DNAH8: variants seen among roughly 807,000 people sequenced by gnomAD.
The protein encoded by DNAH8 is axonemal beta dynein heavy chain 8.
Under a neutral mutation model 562.1 loss-of-function variants are expected in DNAH8, and 382 were observed. The ratio of observed to expected loss-of-function variants is 0.68; its 90% CI spans 0.63 to 0.74. The LOEUF (loss-of-function observed/expected upper bound fraction) is 0.74. Ranked by LOEUF, DNAH8 falls within the 30% of genes least tolerant of loss-of-function variation. The pLI is 0.00. For synonymous variants in DNAH8, 1,881 were observed against 1,919.4 expected (o/e 0.98, Z 0.52); for missense variants, 5,203 against 5,620.4 (o/e 0.93, Z 2.37).
At chr6:38,787,309 TATACA>T (rs1246992523) in intron 18 of DNAH8, among the ~76,000 whole-genome samples, 1 of 152,210 alleles carries the variant, frequency 6.6e-6, no homozygotes, top group African/African-American at 2.4e-5. Context: ...GTGGGGTGAC[TATACA>T]ATACAAGTAG....
At chr6:38,983,582 A>C (rs1440529992) in intron 86 of DNAH8, among the ~76,000 whole-genome samples, 2 of 152,252 alleles carry the variant, frequency 1.3e-5, no homozygotes, top group African/African-American at 4.8e-5. Context: ...AAGTAAACAA[A>C]AAGCAAATAT....
chr6:38,972,736 T>C (rs1355559004), intron 83 of DNAH8, among the ~76,000 whole-genome samples: 1 of 152,292 alleles, frequency 6.6e-6, no homozygotes, highest in Non-Finnish European at 1.5e-5. Context: ...GGTGCAGCCA[T>C]GTTGCCGCCT....
chr6:39,015,475 C>T (rs1766505156), intron 91 of DNAH8, among the ~76,000 whole-genome samples: 1 of 152,152 alleles, frequency 6.6e-6, no homozygotes, highest in Non-Finnish European at 1.5e-5. Flanking sequence ...TTTCCCCATG[C>T]TGCTTTCGTG....
chr6:38,924,176 T>C lies in DNAH8; in HGVS notation c.10962+14T>C. The C allele has an allele frequency of 6.2e-7, 1 of 1,609,908 alleles. No homozygotes were observed. Among genetic ancestry groups the C allele is most frequent in the East Asian group, 2.2e-5 (1 of 44,774 alleles). On this transcript the variant is annotated intron_variant, in intron 73 of 92. Transcript: ENST00000327475. ...GATCCTCCAACTGTAAGTTTTACTT[T>C]CCCAATGTTATTTGAATTTCAGTCT...
At chr6:38,756,366 G>A (rs1765905932) in intron 10 of DNAH8, among the ~76,000 whole-genome samples, 2 of 152,186 alleles carry the variant, frequency 1.3e-5, no homozygotes, top group South Asian at 2.1e-4. Context: ...CCAAGAGATA[G>A]GAGTGTGTCT....
chr6:38,731,301 T>C (rs1763642725), intron 4 of DNAH8, among the ~76,000 whole-genome samples: 1 of 152,228 alleles, frequency 6.6e-6, no homozygotes, highest in South Asian at 2.1e-4. Flanking sequence ...CCTTAATGAA[T>C]ATTTCTCTAT....
chr6:38,779,208 G>A (rs1738255), intron 14 of DNAH8, among the ~76,000 whole-genome samples: 15,129 of 152,202 alleles, frequency 0.099, 1,383 homozygotes, highest in East Asian at 0.44. Context: ...AGCGGATCTA[G>A]TGTTGGGTCT....
intron 33 of DNAH8, among the ~76,000 whole-genome samples, chr6:38,839,340 G>A (rs1445871856): frequency 9.3e-6 from 1 of 107,242 alleles, no homozygotes; most frequent in African/African-American, 4.7e-5. Context: ...GGTGAGAATG[G>A]TGAGAAGCTT....
At chr6:39,012,133 A>G in intron 89 of DNAH8, 82 bp from the exon 90 acceptor site, 1 of 1,053,562 alleles carries the variant, frequency 9.5e-7, no homozygotes, top group Admixed American at 2.3e-5. Flanking sequence ...GAGGAAGAAA[A>G]AGAATTGAGA....
At chr6:38,774,199 T>C (rs1210758474) in intron 12 of DNAH8, among the ~76,000 whole-genome samples, 3 of 152,178 alleles carry the variant, frequency 2.0e-5, no homozygotes, top group African/African-American at 7.2e-5. Context: ...TTTGTTTTCT[T>C]CTCACCCTGA....
intron 82 of DNAH8, 52 bp downstream of exon 82, chr6:38,951,572 C>T: frequency 1.3e-6 from 2 of 1,516,428 alleles, no homozygotes; most frequent in South Asian, 2.4e-5. Context: ...TTTTTTGCCC[C>T]AAATTTTGCC....
intron 10 of DNAH8, among the ~76,000 whole-genome samples, chr6:38,757,565 C>T (rs1389319713): frequency 6.6e-6 from 1 of 152,132 alleles, no homozygotes; most frequent in African/African-American, 2.4e-5. Flanking sequence ...GTTGCCATTG[C>T]TTTTGGTGTT....
chr6:38,903,932 A>G (rs1231834935), intron 62 of DNAH8, among the ~76,000 whole-genome samples: 2 of 152,010 alleles, frequency 1.3e-5, no homozygotes, highest in Non-Finnish European at 2.9e-5. Context: ...TTTTCTAAGG[A>G]TGCATTTATC....
intron 87 of DNAH8, among the ~76,000 whole-genome samples, chr6:38,984,722 C>T (rs1214842615): frequency 6.6e-6 from 1 of 152,072 alleles, no homozygotes; most frequent in Non-Finnish European, 1.5e-5. Context: ...ACCTGGGAGG[C>T]GGAGGTTGCA....
chr6:38,746,562 ATTTAG>A (rs200501858), intron 8 of DNAH8, among the ~76,000 whole-genome samples: 7,966 of 152,134 alleles, frequency 0.052, 655 homozygotes, highest in African/African-American at 0.18. Context: ...ATTTTTTTAT[ATTTAG>A]ATGAATTAAT....
chr6:38,867,960 C>A (rs1430720417), intron 47 of DNAH8, 102 bp from the exon 48 acceptor site: 6 of 1,182,070 alleles, frequency 5.1e-6, no homozygotes, highest in Non-Finnish European at 5.9e-6. Context: ...CCAAAACTAT[C>A]CCATATAAGT....
intron 82 of DNAH8, among the ~76,000 whole-genome samples, chr6:38,961,507 C>G (rs766703559): frequency 2.6e-5 from 4 of 151,830 alleles, no homozygotes; most frequent in Non-Finnish European, 5.9e-5. Flanking sequence ...TAATAACGTG[C>G]CTTCACCAAG....
At chr6:38,770,311 T>C in intron 11 of DNAH8, 102 bp from the exon 12 acceptor site, 1 of 641,854 alleles carries the variant, frequency 1.6e-6, no homozygotes, top group Non-Finnish European at 2.5e-6. Context: ...ATACAGATTT[T>C]CACAGTTTGA....
At chr6:38,980,920 G>T (rs1303820043) in intron 85 of DNAH8, among the ~76,000 whole-genome samples, 2 of 151,722 alleles carry the variant, frequency 1.3e-5, no homozygotes, top group Non-Finnish European at 2.9e-5. Context: ...TCATGAACTT[G>T]TCCCAACAAA....
Sources: allele counts gnomAD v4.1 joint callset (sites outside exome capture counted in the v4.1 genomes callset), GRCh38; gene constraint gnomAD v4.1.1; transcripts MANE v1.5; gene names NCBI Gene and HGNC (gene_info 2026-07-23, HGNC 2026-07-21).